CNTLN: variants seen among roughly 807,000 people sequenced by gnomAD.
CNTLN encodes the protein centlein, centrosomal protein.
Under a neutral mutation model 180.0 loss-of-function variants are expected in CNTLN, and 212 were observed. The ratio of observed to expected loss-of-function variants is 1.18; its 90% CI spans 1.05 to 1.32. The LOEUF (loss-of-function observed/expected upper bound fraction) is 1.32. Ranked by LOEUF, CNTLN falls within the 40% of genes most tolerant of loss-of-function variation. The pLI is 0.00. For missense variants in CNTLN, 2,095 were observed against 1,610.9 expected (o/e 1.30, Z -5.14); for synonymous variants, 722 against 563.1 (o/e 1.28, Z -3.99).
intron 3 of CNTLN, 103 bp downstream of exon 3, chr9:17,226,390 C>G: frequency 1.8e-6 from 1 of 568,212 alleles, no homozygotes; most frequent in Non-Finnish European, 3.0e-6. Context: ...TTGAGAATAT[C>G]AGGGTCCTTA....
intron 6 of CNTLN, among the ~76,000 whole-genome samples, chr9:17,288,851 C>G (rs563052753): frequency 1.6e-5 from 2 of 123,396 alleles, no homozygotes; most frequent in African/African-American, 7.1e-5. Context: ...TTTTGTTTTC[C>G]ATTTGCTTGG....
intron 13 of CNTLN, among the ~76,000 whole-genome samples, chr9:17,371,272 A>C (rs946439569): frequency 1.3e-5 from 2 of 152,182 alleles, no homozygotes; most frequent in Admixed American, 6.5e-5. Flanking sequence ...AAATAAACAA[A>C]TGGAAAAAGA....
chr9:17,314,445 C>T (rs1275548421), intron 8 of CNTLN, among the ~76,000 whole-genome samples: 1 of 152,186 alleles, frequency 6.6e-6, no homozygotes, highest in African/African-American at 2.4e-5. Context: ...AGCCCTGCGT[C>T]CCAACAGGTG....
chr9:17,282,450 T>C (rs1480399535), intron 6 of CNTLN, among the ~76,000 whole-genome samples: 1 of 152,214 alleles, frequency 6.6e-6, no homozygotes, highest in Admixed American at 6.5e-5. Flanking sequence ...TGTTTTTTTC[T>C]TGTAAATTTA....
intron 25 of CNTLN, among the ~76,000 whole-genome samples, chr9:17,489,893 C>G (rs1394217331): frequency 6.6e-6 from 1 of 152,118 alleles, no homozygotes; most frequent in East Asian, 1.9e-4. Flanking sequence ...CTTACTAAGT[C>G]TACTTTCATC....
At chr9:17,340,310 A>C (rs1442121472) in intron 10 of CNTLN, among the ~76,000 whole-genome samples, 1 of 152,114 alleles carries the variant, frequency 6.6e-6, no homozygotes, top group Non-Finnish European at 1.5e-5. Flanking sequence ...AGAAGGTTAA[A>C]CTATGCTCCT....
rs558059269 is a variant in CNTLN at position 17,249,345 on chromosome 9, G to GTTTTTTTTTTTTT, written c.849+12765_849+12766insTTTTTTTTTTTTT. Among the ~76,000 whole-genome samples, 49 of 124,906 alleles carry GTTTTTTTTTTTTT rather than the reference G, an allele frequency of 3.9e-4. 2 individuals are homozygous for GTTTTTTTTTTTTT. The highest frequency in any genetic ancestry group is 4.9e-4 in the Admixed American group (6 of 12,228). 81.9% of individuals were successfully genotyped at this position (124,906 alleles called of 152,430 possible). The stretch of plus-strand genomic sequence containing the variant: ...TCTTTGATCCATTGGTTCTTTGATT[G>GTTTTTTTTTTTTT]TTTTTTTTGTTTTTTTTTTTTGAGC... On this transcript the variant is annotated intron_variant, in intron 5 of 25. Coordinates refer to ENST00000380647, the MANE Select transcript of CNTLN (RefSeq NM_017738.4).
At chr9:17,361,243 G>A (rs1427491477) in intron 12 of CNTLN, among the ~76,000 whole-genome samples, 1 of 151,964 alleles carries the variant, frequency 6.6e-6, no homozygotes, top group Non-Finnish European at 1.5e-5. Flanking sequence ...CCCAGTGTGT[G>A]ATGTTCCCCT....
chr9:17,298,749 A>T, intron 7 of CNTLN: 1 of 988,406 alleles, frequency 1.0e-6, no homozygotes, highest in Non-Finnish European at 1.2e-6. Flanking sequence ...TTTTCGGCAA[A>T]TCTTCACAAA....
In CNTLN at chr9:17,264,190, G is replaced by A. The variant is rs540560435; in HGVS notation, c.850-9543G>A. On this transcript the variant is annotated intron_variant, in intron 5 of 25. Coordinates refer to ENST00000380647, the MANE Select transcript of CNTLN (RefSeq NM_017738.4). Reference sequence around the variant, plus strand: ...TTATGGTTTTAGGTCTAACATTTAAGTCTTTAATCCATCTTGAATTGATTT... The same window carrying A: ...TTATGGTTTTAGGTCTAACATTTAAATCTTTAATCCATCTTGAATTGATTT... 1.1e-4 allele frequency among the ~76,000 whole-genome samples: 16 copies of A among 144,156 alleles called. No individual in the cohort carries two copies. The East Asian group carries it at 3.3e-3, about 29-fold the overall frequency. The allele number at this position is 144,156 out of a possible 152,430, so 94.6% of individuals were successfully genotyped here.
chr9:17,338,517 C>T (rs1402524865), intron 10 of CNTLN, among the ~76,000 whole-genome samples: 1 of 151,358 alleles, frequency 6.6e-6, no homozygotes, highest in Non-Finnish European at 1.5e-5. Flanking sequence ...TCTAATATGT[C>T]TTGCTGAAAT....
chr9:17,525,792 G>C, the CNTLN span, among the ~76,000 whole-genome samples: 1 of 152,010 alleles, frequency 6.6e-6, no homozygotes, highest in Non-Finnish European at 1.5e-5. Context: ...ATCTTTGAAG[G>C]CCTAAACAAT....
At chr9:17,505,758 T>A (rs924289028), downstream of CNTLN, among the ~76,000 whole-genome samples, 46 of 152,136 alleles carry the variant, frequency 3.0e-4, no homozygotes, top group African/African-American at 1.0e-3. Flanking sequence ...AGCAAGAGAT[T>A]TAGGAAATAG....
chr9:17,388,325 A>C (rs1450961916), intron 14 of CNTLN, 72 bp downstream of exon 14: 1 of 999,540 alleles, frequency 1.0e-6, no homozygotes, highest in African/African-American at 1.6e-5. Context: ...TATATTTTAA[A>C]ACGAGGGCTT....
chr9:17,247,491 G>A (rs772787988), intron 5 of CNTLN, among the ~76,000 whole-genome samples: 3 of 152,308 alleles, frequency 2.0e-5, no homozygotes, highest in Admixed American at 6.5e-5. Flanking sequence ...GCACCATGCA[G>A]CTACTGTTGG....
intron 15 of CNTLN, among the ~76,000 whole-genome samples, chr9:17,404,517 C>A (rs139229402): frequency 6.6e-6 from 1 of 151,500 alleles, no homozygotes; most frequent in African/African-American, 2.4e-5. Flanking sequence ...AGCTAAAAAG[C>A]GTCAAAAGGA....
At chr9:17,300,337 A>G (rs1310695139) in intron 7 of CNTLN, 2 of 151,984 alleles carry the variant, frequency 1.3e-5, no homozygotes, top group Non-Finnish European at 2.9e-5. Context: ...CAAATTTGTA[A>G]ATTTGTTTAT....
chr9:17,390,149 T>G (rs915480985), intron 14 of CNTLN, among the ~76,000 whole-genome samples: 23 of 152,182 alleles, frequency 1.5e-4, no homozygotes, highest in Non-Finnish European at 3.1e-4. Context: ...TCTGTTATAC[T>G]TTATTATGGC....
At chr9:17,184,422 A>G (rs376111702) in intron 2 of CNTLN, among the ~76,000 whole-genome samples, 13 of 151,886 alleles carry the variant, frequency 8.6e-5, no homozygotes, top group African/African-American at 2.7e-4. Flanking sequence ...ACGTATGATA[A>G]CTAGCTATTT....
Sources: gnomAD v4.1 joint callset for allele counts (sites outside exome capture counted in the v4.1 genomes callset) on GRCh38, gnomAD v4.1.1 for gene constraint, MANE v1.5 for transcripts, NCBI Gene and HGNC (gene_info 2026-07-23, HGNC 2026-07-21) for gene names.